CTNNA3: variants seen among roughly 807,000 people sequenced by gnomAD.
CTNNA3 encodes catenin alpha-3.
CTNNA3 carries 76 observed loss-of-function variants against 95.7 expected under a neutral mutation model. The ratio of observed to expected loss-of-function variants is 0.79; its 90% confidence interval spans 0.66 to 0.96. The LOEUF is 0.96. CTNNA3 is among the 40% of genes least tolerant of loss of function. CTNNA3 has a pLI of 0.00. For synonymous variants in CTNNA3, 431 were observed against 374.4 expected (o/e 1.15, Z -1.74); for missense variants, 1,191 against 1,089.8 (o/e 1.09, Z -1.31).
chr10:66,804,451 C>T (rs972631389), intron 7 of CTNNA3, among the ~76,000 whole-genome samples: 1 of 151,948 alleles, frequency 6.6e-6, no homozygotes, highest in Non-Finnish European at 1.5e-5. Context: ...ATGATAAGAA[C>T]GATACCTCAA....
chr10:66,173,137 A>G (rs930432152), intron 13 of CTNNA3, among the ~76,000 whole-genome samples: 1 of 152,218 alleles, frequency 6.6e-6, no homozygotes, highest in Admixed American at 6.6e-5. Flanking sequence ...CTAATCTATT[A>G]GAAGGGTTTC....
Position 67,464,134 on chromosome 10 carries a change from G to A in CTNNA3, c.579+57708C>T, listed in dbSNP as rs140764178. ...TGTTATTTAAAACATTCTATAATCC[G>A]GCTCTAACTGATTTTCCCATGTTAT... On this transcript the variant is annotated intron_variant, in intron 5 of 17. Coordinates refer to ENST00000433211, the MANE Select transcript of CTNNA3 (RefSeq NM_013266.4). Among the ~76,000 whole-genome samples, 89 of 151,986 alleles carry A rather than the reference G, an allele frequency of 5.9e-4. 1 individual carries two copies. Among genetic ancestry groups the A allele is most frequent in the African/African-American group, 2.1e-3 (85 of 41,454 alleles).
chr10:67,509,191 C>CT (rs57346362), intron 5 of CTNNA3, among the ~76,000 whole-genome samples: 19,013 of 143,346 alleles, frequency 0.13, 2,001 homozygotes, highest in African/African-American at 0.3. Flanking sequence ...AGACATGTTT[C>CT]TTTTTTTTTT....
At chr10:67,465,462 T>C (rs968673908) in intron 5 of CTNNA3, among the ~76,000 whole-genome samples, 5 of 152,120 alleles carry the variant, frequency 3.3e-5, no homozygotes, top group African/African-American at 4.8e-5. Flanking sequence ...AATCAACTTT[T>C]CTAGTAAAGT....
At chr10:67,309,255 C>A (rs151306479) in intron 5 of CTNNA3, among the ~76,000 whole-genome samples, 83 of 152,198 alleles carry the variant, frequency 5.5e-4, no homozygotes, top group Non-Finnish European at 6.5e-4. Flanking sequence ...TGAGTGCTTG[C>A]TTACATAAAT....
chr10:66,394,184 C>G (rs534534099), intron 11 of CTNNA3, among the ~76,000 whole-genome samples: 4 of 152,070 alleles, frequency 2.6e-5, no homozygotes, highest in Admixed American at 2.6e-4. Context: ...ATTGACTATG[C>G]TCTGGTAATG....
upstream of CTNNA3, among the ~76,000 whole-genome samples, chr10:67,698,676 G>A (rs1841008915): frequency 6.6e-6 from 1 of 152,104 alleles, no homozygotes. Context: ...TTTCTGAACA[G>A]CCATAATACC....
intron 11 of CTNNA3, among the ~76,000 whole-genome samples, chr10:66,465,914 G>C (rs1838892890): frequency 6.6e-6 from 1 of 152,104 alleles, no homozygotes; most frequent in African/African-American, 2.4e-5. Context: ...TTATTGAATG[G>C]AGATAGTACA....
chr10:66,491,203 T>G (rs1385132822), intron 11 of CTNNA3, among the ~76,000 whole-genome samples: 1 of 152,138 alleles, frequency 6.6e-6, no homozygotes, highest in African/African-American at 2.4e-5. Context: ...CATAAAAAAT[T>G]GTACACCACT....
chr10:67,115,504 A>G (rs946358083), intron 7 of CTNNA3, among the ~76,000 whole-genome samples: 1 of 151,560 alleles, frequency 6.6e-6, no homozygotes, highest in East Asian at 1.9e-4. Context: ...TAAAAAAATA[A>G]AATAAAATAA....
intron 11 of CTNNA3, among the ~76,000 whole-genome samples, chr10:66,496,771 C>T (rs1467266141): frequency 1.3e-5 from 2 of 152,114 alleles, no homozygotes; most frequent in South Asian, 2.1e-4. Flanking sequence ...TGTGCTAGGT[C>T]GTTCAGAACA....
chr10:66,990,496 T>C (rs778838547), intron 7 of CTNNA3, among the ~76,000 whole-genome samples: 1 of 152,138 alleles, frequency 6.6e-6, no homozygotes, highest in Admixed American at 6.6e-5. Flanking sequence ...CCTATTTAGA[T>C]TTTTTTGTAC....
At chr10:67,701,691 T>C (rs1352172274) in intron 1 of CTNNA3, among the ~76,000 whole-genome samples, 1 of 152,132 alleles carries the variant, frequency 6.6e-6, no homozygotes, top group Non-Finnish European at 1.5e-5. Context: ...GTAAAGACCA[T>C]CGAGGCTAGG....
At chr10:66,885,331 C>T (rs1445441314) in intron 7 of CTNNA3, among the ~76,000 whole-genome samples, 1 of 152,096 alleles carries the variant, frequency 6.6e-6, no homozygotes, top group Non-Finnish European at 1.5e-5. Flanking sequence ...TTAATATGGA[C>T]TGTATTAATG....
At chr10:67,148,522 A>G (rs946829053) in intron 7 of CTNNA3, among the ~76,000 whole-genome samples, 12 of 152,202 alleles carry the variant, frequency 7.9e-5, no homozygotes, top group African/African-American at 2.9e-4. Flanking sequence ...GATTCTCCCA[A>G]TTTAAATCCT....
chr10:67,538,897 AAAAATGT>A (rs1840573007), intron 4 of CTNNA3, among the ~76,000 whole-genome samples: 1 of 152,216 alleles, frequency 6.6e-6, no homozygotes. Context: ...TCTCTCTACT[AAAAATGT>A]GCTAAGTGGG....
chr10:66,259,207 C>T (rs1948942), intron 13 of CTNNA3, among the ~76,000 whole-genome samples: 11,593 of 152,162 alleles, frequency 0.076, 1,285 homozygotes, highest in African/African-American at 0.25. Flanking sequence ...TTAATGGAAT[C>T]GTTTCTTCTC....
intron 17 of CTNNA3, among the ~76,000 whole-genome samples, chr10:65,930,304 G>C (rs781490079): frequency 2.0e-5 from 3 of 150,042 alleles, no homozygotes; most frequent in Non-Finnish European, 4.4e-5. Flanking sequence ...AAACTAAGAA[G>C]CCAAATGTAA....
chr10:66,113,657 G>C (rs2082202386), intron 13 of CTNNA3, among the ~76,000 whole-genome samples: 2 of 152,196 alleles, frequency 1.3e-5, no homozygotes, highest in Non-Finnish European at 2.9e-5. Context: ...ATTAACTTTA[G>C]AATTTTATGA....
Sources: gnomAD v4.1 joint callset for allele counts (sites outside exome capture counted in the v4.1 genomes callset) on GRCh38, gnomAD v4.1.1 for gene constraint, MANE v1.5 for transcripts, NCBI Gene and HGNC (gene_info 2026-07-23, HGNC 2026-07-21) for gene names.